The following ELMO1 variants were observed in gnomAD, a reference collection of about 807,000 sequenced individuals.
ELMO1 encodes engulfment and cell motility 1, also known as engulfment and cell motility protein 1.
In ELMO1, 26 loss-of-function variants were observed where a neutral mutation model predicts 98.9. The observed-to-expected ratio is 0.26, with a 90% CI of 0.19 to 0.36. The LOEUF (loss-of-function observed/expected upper bound fraction) is 0.36, where lower values mean the gene tolerates loss of function less well. Among genes scored for constraint, ELMO1 ranks in the 10% least tolerant of loss-of-function variants. The pLI, the probability that ELMO1 is intolerant of heterozygous loss-of-function variation, is 1.00. For missense variants in ELMO1, 627 were observed against 935.2 expected (o/e 0.67, Z 4.30); for synonymous variants, 346 against 346.0 (o/e 1.00, Z 0.00).
At chr7:37,167,725 C>T (rs1789821160) in intron 13 of ELMO1, among the ~76,000 whole-genome samples, 1 of 152,176 alleles carries the variant, frequency 6.6e-6, no homozygotes, top group Admixed American at 6.5e-5. Flanking sequence ...GTCTGATGGG[C>T]TTCCCTTTGT....
At chr7:36,858,715 C>A (rs759305204) in intron 21 of ELMO1, among the ~76,000 whole-genome samples, 2 of 152,068 alleles carry the variant, frequency 1.3e-5, no homozygotes, top group Admixed American at 6.5e-5. Context: ...GATCTGAGTA[C>A]GAAAGAGGAG....
At chr7:37,152,591 G>A (rs1231064642) in intron 13 of ELMO1, among the ~76,000 whole-genome samples, 1 of 152,146 alleles carries the variant, frequency 6.6e-6, no homozygotes, top group East Asian at 1.9e-4. Flanking sequence ...ACGTGCATGT[G>A]CACATGTATA....
At chr7:37,171,705 G>A (rs1790179143) in intron 13 of ELMO1, among the ~76,000 whole-genome samples, 1 of 151,776 alleles carries the variant, frequency 6.6e-6, no homozygotes. Flanking sequence ...TGTTAGCCAG[G>A]ATGGTCTCGA....
intron 21 of ELMO1, among the ~76,000 whole-genome samples, chr7:36,856,159 C>T (rs1447801211): frequency 6.6e-6 from 1 of 152,224 alleles, no homozygotes; most frequent in Non-Finnish European, 1.5e-5. Context: ...CTGGACTCAA[C>T]ATCAGGTGAA....
chr7:37,073,598 GT>G (rs34185775), intron 15 of ELMO1, among the ~76,000 whole-genome samples: 5,359 of 145,600 alleles, frequency 0.037, 103 homozygotes, highest in Middle Eastern at 0.082. Context: ...GTGTGTGCAT[GT>G]TTTTTTTTTT....
chr7:36,931,958 A>C (rs1344241682), intron 16 of ELMO1, among the ~76,000 whole-genome samples: 3 of 152,228 alleles, frequency 2.0e-5, no homozygotes, highest in Non-Finnish European at 4.4e-5. Context: ...AAAATCAGAA[A>C]GCTCTGCATA....
chr7:37,108,111 T>C (rs1462247365), intron 14 of ELMO1, among the ~76,000 whole-genome samples: 1 of 152,252 alleles, frequency 6.6e-6, no homozygotes, highest in Non-Finnish European at 1.5e-5. Flanking sequence ...TAAGTTGTTT[T>C]ACTTGAGGTT....
chr7:37,134,066 G>A (rs776343332), intron 13 of ELMO1, among the ~76,000 whole-genome samples: 5 of 152,146 alleles, frequency 3.3e-5, no homozygotes, highest in Non-Finnish European at 5.9e-5. Context: ...ACTACAATGA[G>A]ATACCATCTC....
At chr7:37,053,063 T>C (rs1796196057) in intron 15 of ELMO1, among the ~76,000 whole-genome samples, 1 of 152,186 alleles carries the variant, frequency 6.6e-6, no homozygotes, top group South Asian at 2.1e-4. Flanking sequence ...ATTATTCCTC[T>C]AAGAACCTGC....
At position 37,066,299 on chromosome 7, in the gene ELMO1, C is replaced by G. The variant is rs146844572; in HGVS notation, c.1300+30320G>C. On this transcript the variant is annotated intron_variant, in intron 15 of 21. Transcript: ENST00000310758. ...ACTGAGTGTGGCATGTCCATTAATGCAAGCACTTATGCCTGGGTGTACAGC... is the reference window on the plus strand; with the variant it reads ...ACTGAGTGTGGCATGTCCATTAATGGAAGCACTTATGCCTGGGTGTACAGC... 9.0e-3 allele frequency among the ~76,000 whole-genome samples: 1,364 copies of G among 152,208 alleles called. 6 individuals carry two copies. The highest frequency in any genetic ancestry group is 0.014 in the Middle Eastern group (4 of 294).
At chr7:37,251,988 C>T (rs1795373259) in intron 6 of ELMO1, among the ~76,000 whole-genome samples, 1 of 152,010 alleles carries the variant, frequency 6.6e-6, no homozygotes, top group Admixed American at 6.6e-5. Flanking sequence ...ACAATTGCTA[C>T]AAAGAGAATA....
intron 4 of ELMO1, among the ~76,000 whole-genome samples, chr7:37,276,044 G>A (rs1168401976): frequency 6.6e-6 from 1 of 152,082 alleles, no homozygotes; most frequent in Non-Finnish European, 1.5e-5. Context: ...AAAGTGATGG[G>A]GCCACCCAGA....
At chr7:37,224,800 C>A in intron 9 of ELMO1, 79 bp downstream of exon 9, 1 of 1,556,882 alleles carries the variant, frequency 6.4e-7, no homozygotes, top group Non-Finnish European at 8.7e-7. Context: ...ACTATAACAA[C>A]ATAAAACGTT....
chr7:37,058,201 C>T (rs897542149), intron 15 of ELMO1, among the ~76,000 whole-genome samples: 1 of 152,106 alleles, frequency 6.6e-6, no homozygotes, highest in East Asian at 1.9e-4. Flanking sequence ...ATGCTAAGGT[C>T]CCTTCTCCTT....
At chr7:37,043,319 G>T (rs1795626600) in intron 15 of ELMO1, among the ~76,000 whole-genome samples, 1 of 152,212 alleles carries the variant, frequency 6.6e-6, no homozygotes, top group Non-Finnish European at 1.5e-5. Flanking sequence ...TCGTCCCTGT[G>T]CCCCAAGCAT....
chr7:37,187,181 C>CCATG (rs941796287), intron 13 of ELMO1, among the ~76,000 whole-genome samples: 5 of 152,062 alleles, frequency 3.3e-5, no homozygotes, highest in African/African-American at 1.2e-4. Context: ...CTTGAAAACA[C>CCATG]CATGCTAAGT....
intron 16 of ELMO1, among the ~76,000 whole-genome samples, chr7:36,936,394 G>A (rs1786532560): frequency 6.6e-6 from 1 of 152,148 alleles, no homozygotes; most frequent in Admixed American, 6.5e-5. Context: ...GATTACGCTG[G>A]CCCTGAATTC....
chr7:37,259,892 T>C (rs1435099970), intron 5 of ELMO1, among the ~76,000 whole-genome samples: 1 of 152,212 alleles, frequency 6.6e-6, no homozygotes, highest in Non-Finnish European at 1.5e-5. Context: ...ACGATGCTTG[T>C]AAATTTCAAT....
chr7:37,404,474 T>C (rs1298722864), intron 1 of ELMO1, among the ~76,000 whole-genome samples: 5 of 152,242 alleles, frequency 3.3e-5, no homozygotes, highest in African/African-American at 1.2e-4. Flanking sequence ...ACCTTTGATA[T>C]TGACATATCT....
Sources: gnomAD v4.1 joint callset for allele counts (sites outside exome capture counted in the v4.1 genomes callset) on GRCh38, gnomAD v4.1.1 for gene constraint, MANE v1.5 for transcripts, NCBI Gene and HGNC (gene_info 2026-07-23, HGNC 2026-07-21) for gene names.